AGO4: variants seen among roughly 807,000 people sequenced by gnomAD.
AGO4 encodes argonaute RISC component 4, also known as protein argonaute-4.
AGO4 carries 33 observed loss-of-function variants against 104.7 expected under a neutral mutation model. That is an observed-to-expected ratio of 0.32 (90% CI 0.24 to 0.42). The LOEUF (loss-of-function observed/expected upper bound fraction) is 0.42, where lower values mean the gene tolerates loss of function less well. AGO4 is among the 10% of genes least tolerant of loss of function. The pLI is 1.00. For missense variants in AGO4, 711 were observed against 1,083.4 expected (o/e 0.66, Z 4.83); for synonymous variants, 331 against 364.7 (o/e 0.91, Z 1.05).
chr1:35,810,916 G>GAC (rs1643479018), intron 1 of AGO4, among the ~76,000 whole-genome samples: 1 of 152,072 alleles, frequency 6.6e-6, no homozygotes, highest in South Asian at 2.1e-4. Flanking sequence ...CGGATCATTT[G>GAC]CGGCCAGGAG....
intron 15 of AGO4, among the ~76,000 whole-genome samples, chr1:35,842,143 G>A (rs978325895): frequency 6.6e-5 from 10 of 151,968 alleles, no homozygotes; most frequent in African/African-American, 1.5e-4. Context: ...TTTTATATCC[G>A]CATAGGACAC....
chr1:35,815,260 G>A (rs1392831829), intron 1 of AGO4, among the ~76,000 whole-genome samples: 2 of 152,192 alleles, frequency 1.3e-5, no homozygotes, highest in Non-Finnish European at 2.9e-5. Context: ...AACAGAACCT[G>A]TTGTAACTTT....
intron 15 of AGO4, among the ~76,000 whole-genome samples, chr1:35,847,484 T>C (rs1050622306): frequency 2.0e-5 from 3 of 152,194 alleles, no homozygotes; most frequent in African/African-American, 7.2e-5. Context: ...TCTGCCTGCC[T>C]TGGCCTCCCA....
At chr1:35,850,797 A>AC (rs1644682399) in intron 16 of AGO4, 57 bp from the exon 17 acceptor site, 6 of 1,074,554 alleles carry the variant, frequency 5.6e-6, no homozygotes, top group Non-Finnish European at 6.4e-6. Flanking sequence ...AAAAAAAAAA[A>AC]AACAAAAACA....
At chr1:35,822,814 G>A (rs1306849674) in intron 2 of AGO4, 48 bp from the exon 3 acceptor site, 3 of 1,607,264 alleles carry the variant, frequency 1.9e-6, no homozygotes, top group African/African-American at 2.7e-5. Context: ...TTTTCTTACT[G>A]TTCACCATTT....
Position 35,825,347 on chromosome 1 carries a change from A to G in AGO4, c.341A>G (p.Lys114Arg), listed in dbSNP as rs747707198. ...GAGGTGACTCTTCCAGGCGAGGGTAAAGACCAAACATTTAAAGTGTCTGTT... is the reference window on the plus strand; with the variant it reads ...GAGGTGACTCTTCCAGGCGAGGGTAGAGACCAAACATTTAAAGTGTCTGTT... ...DMEVTLPGEG[K>R]DQTFKVSVQW... The change falls in exon 4 of 18, where the codon AAA (lysine) becomes AGA (arginine). Residue 114 changes from lysine to arginine, a missense_variant. Coordinates refer to ENST00000373210, the MANE Select transcript of AGO4 (RefSeq NM_017629.4). 8 of 1,614,164 alleles carry G rather than the reference A, an allele frequency of 5.0e-6. No individual in the cohort carries two copies. The highest frequency in any genetic ancestry group is 1.7e-5 in the Admixed American group (1 of 60,020).
intron 13 of AGO4, among the ~76,000 whole-genome samples, chr1:35,839,799 A>G (rs1303449429): frequency 2.6e-5 from 4 of 151,788 alleles, no homozygotes; most frequent in African/African-American, 9.7e-5. Context: ...CTTAAATTAC[A>G]CTTGAAGAAT....
At position 35,857,741 on chromosome 1, in the gene AGO4, AAC is replaced by A. The variant is rs1644844691; in HGVS notation, c.*4138_*4139del. On this transcript the variant is annotated 3_prime_UTR_variant, in exon 18 of 18. Transcript: ENST00000373210. ...GCAACATACATGGTTGCTTTATAAA[AAC>A]AGTTTCCTCAGTATGAGAAATTTTA... The A allele has an allele frequency of 1.3e-5, 2 of 152,222 alleles. No individual in the cohort carries two copies. 9.4% of individuals were successfully genotyped at this position (152,222 alleles called of 1,614,324 possible).
chr1:35,832,227 G>A, intron 10 of AGO4, 42 bp downstream of exon 10: 1 of 1,598,492 alleles, frequency 6.3e-7, no homozygotes, highest in Non-Finnish European at 8.5e-7. Context: ...TCCACAACCA[G>A]TCAAAAAGAG....
At chr1:35,822,813 T>C (rs369698754) in intron 2 of AGO4, 49 bp from the exon 3 acceptor site, 18 of 1,607,554 alleles carry the variant, frequency 1.1e-5, no homozygotes, top group Non-Finnish European at 1.4e-5. Context: ...CTTTTCTTAC[T>C]GTTCACCATT....
rs752406279 is a variant in AGO4, at chr1:35,829,840, TAAAAAAAAAA to T, written c.849-1570_849-1561del. ...TGGGCAACAGAGTGAGACTACATCTTAAAAAAAAAAAAAAAAAAAAAAAAAATGCAAGATT... is the reference window on the plus strand; with the variant it reads ...TGGGCAACAGAGTGAGACTACATCTTAAAAAAAAAAAAAAAATGCAAGATT... On this transcript the variant is annotated intron_variant, in intron 7 of 17. Coordinates refer to ENST00000373210, the MANE Select transcript of AGO4 (RefSeq NM_017629.4). 2.1e-3 allele frequency among the ~76,000 whole-genome samples: 132 copies of T among 62,184 alleles called. 1 individual carries two copies. The highest frequency in any genetic ancestry group is 8.1e-3 in the African/African-American group (131 of 16,186). The allele number at this position is 62,184 out of a possible 152,430, so 40.8% of individuals were successfully genotyped here.
In AGO4 at chr1:35,825,455, A is replaced by C. The variant is rs1643995066; in HGVS notation, c.449A>C (p.Gln150Pro). ...HLNEVPDDSV[Q>P]ALDVITRHLP... ...AATGAAGTCCCAGATGACTCAGTAC[A>C]AGCACTTGATGTTATCACAAGACAC... The change falls in exon 4 of 18, where the codon CAA becomes CCA. Residue 150 changes from glutamine to proline, a missense_variant. This residue lies in a region of AGO4 where 308 missense variants were observed against 397.8 expected (regional missense o/e 0.77). Transcript: ENST00000373210. 1 of 1,614,080 alleles carries C rather than the reference A, an allele frequency of 6.2e-7. No individual in the cohort carries two copies. The highest frequency in any genetic ancestry group is 1.7e-5 in the Admixed American group (1 of 59,996).
chr1:35,853,807 T>C lies in AGO4; in HGVS notation c.*202T>C. 6.6e-6 allele frequency: 3 copies of C among 453,610 alleles called. No individual in the cohort carries two copies. The highest frequency in any genetic ancestry group is 1.2e-5 in the Non-Finnish European group (3 of 251,314). 28.1% of individuals were successfully genotyped at this position (453,610 alleles called of 1,614,324 possible). Reference sequence around the variant, plus strand: ...GCCATTTTTTTAAAGTAATAGATACTAATAGATTATCTTTTCTGATGCACT... The same window carrying C: ...GCCATTTTTTTAAAGTAATAGATACCAATAGATTATCTTTTCTGATGCACT... On this transcript the variant is annotated 3_prime_UTR_variant, in exon 18 of 18. Coordinates refer to ENST00000373210, the MANE Select transcript of AGO4 (RefSeq NM_017629.4).
Position 35,817,000 on chromosome 1 carries a change from C to T in AGO4, c.138C>T (p.His46=), listed in dbSNP as rs1278650426. Residue 46 remains histidine (H), a synonymous_variant, in exon 2 of 18, where the codon CAC becomes CAT. Transcript: ENST00000373210. ...AGATTCCTAAAATAGATGTGTATCA[C>T]TATGATGTGGATATTAAGCCTGAAA... is the stretch of plus-strand genomic sequence containing the variant. ...QVQIPKIDVY[H]YDVDIKPEKR... 6.2e-7 allele frequency: 1 copy of T among 1,613,782 alleles called. No homozygotes were observed. Among genetic ancestry groups the T allele is most frequent in the Admixed American group, 1.7e-5 (1 of 59,960 alleles).
At chr1:35,818,494 C>T (rs550036692) in intron 2 of AGO4, among the ~76,000 whole-genome samples, 5 of 152,064 alleles carry the variant, frequency 3.3e-5, no homozygotes, top group African/African-American at 1.2e-4. Flanking sequence ...CATAGTGGCA[C>T]GTGCCTGTAA....
At chr1:35,828,338 A>G (rs543832902) in intron 7 of AGO4, among the ~76,000 whole-genome samples, 1 of 152,088 alleles carries the variant, frequency 6.6e-6, no homozygotes, top group African/African-American at 2.4e-5. Flanking sequence ...TATTTTTAAT[A>G]GAGATGGGGT....
intron 7 of AGO4, among the ~76,000 whole-genome samples, chr1:35,828,768 G>A (rs770681319): frequency 5.9e-5 from 9 of 152,010 alleles, no homozygotes; most frequent in South Asian, 2.1e-4. Flanking sequence ...CAATCCACCC[G>A]CCTCGGCCTC....
Position 35,825,345 on chromosome 1 carries a change from T to A in AGO4, c.339T>A (p.Gly113=). 6.2e-7 allele frequency: 1 copy of A among 1,614,170 alleles called. No homozygotes were observed. The highest frequency in any genetic ancestry group is 8.5e-7 in the Non-Finnish European group (1 of 1,180,022). The part of the protein sequence containing the change: ...VDMEVTLPGE[G]KDQTFKVSVQ... ...TGGAGGTGACTCTTCCAGGCGAGGG[T>A]AAAGACCAAACATTTAAAGTGTCTG... The change falls in exon 4 of 18, where the codon GGT becomes GGA. Residue 113 remains glycine, a synonymous_variant. Transcript: ENST00000373210.
chr1:35,830,139 G>GAT (rs1644143313), intron 7 of AGO4, among the ~76,000 whole-genome samples: 1 of 35,318 alleles, frequency 2.8e-5, no homozygotes, highest in African/African-American at 8.1e-5. Context: ...ACGAGACTCT[G>GAT]TCTCAAAAAA....
Sources: allele counts gnomAD v4.1 joint callset (sites outside exome capture counted in the v4.1 genomes callset), GRCh38; gene constraint gnomAD v4.1.1; regional missense constraint gnomAD v4.1.1; transcripts MANE v1.5; gene names NCBI Gene and HGNC (gene_info 2026-07-23, HGNC 2026-07-21).